NR3C2: variants seen among roughly 807,000 people sequenced by gnomAD.
NR3C2 encodes mineralocorticoid receptor.
A neutral mutation model predicts 86.4 loss-of-function variants in NR3C2; 15 were observed. The ratio of observed to expected loss-of-function variants is 0.17; its 90% confidence interval spans 0.12 to 0.27. The LOEUF is 0.27. Among genes scored for constraint, NR3C2 ranks in the 10% least tolerant of loss-of-function variants. The pLI, the probability that NR3C2 is intolerant of heterozygous loss-of-function variation, is 1.00. For synonymous variants in NR3C2, 458 were observed against 450.5 expected, an observed-to-expected ratio of 1.02 and a Z score of -0.21; for missense variants, 960 against 1,195.6, an observed-to-expected ratio of 0.80 and a Z score of 2.91.
chr4:148,424,116 AAC>A (rs1289656729), intron 2 of NR3C2, among the ~76,000 whole-genome samples: 1 of 152,232 alleles, frequency 6.6e-6, no homozygotes, highest in Non-Finnish European at 1.5e-5. Flanking sequence ...AAAGATGAAA[AAC>A]ACACAATAAA....
intron 2 of NR3C2, among the ~76,000 whole-genome samples, chr4:148,302,822 G>A (rs1290375616): frequency 6.8e-6 from 1 of 146,686 alleles, no homozygotes; most frequent in Admixed American, 6.8e-5. Context: ...CTCCAGCCTG[G>A]GCTACAAGAG....
At chr4:148,235,536 T>G (rs1738707289) in intron 3 of NR3C2, among the ~76,000 whole-genome samples, 1 of 152,172 alleles carries the variant, frequency 6.6e-6, no homozygotes, top group Non-Finnish European at 1.5e-5. Context: ...TTTCTTAAAG[T>G]TTAAAATATA....
chr4:148,142,085 GAAAGAGAAA>G (rs1288329839), intron 6 of NR3C2, among the ~76,000 whole-genome samples: 6 of 152,188 alleles, frequency 3.9e-5, no homozygotes, highest in African/African-American at 1.4e-4. Flanking sequence ...AAAGACCTAG[GAAAGAGAAA>G]GGTTAATTTG....
intron 2 of NR3C2, among the ~76,000 whole-genome samples, chr4:148,353,070 C>A (rs557323319): frequency 6.6e-6 from 1 of 152,000 alleles, no homozygotes; most frequent in Non-Finnish European, 1.5e-5. Context: ...TAGGGCAATG[C>A]GTCAGTTTTT....
At chr4:148,263,433 G>A (rs1740229209) in intron 2 of NR3C2, among the ~76,000 whole-genome samples, 1 of 152,006 alleles carries the variant, frequency 6.6e-6, no homozygotes, top group Non-Finnish European at 1.5e-5. Context: ...TCCCACTGTT[G>A]GTAACACTGG....
chr4:148,421,893 G>A (rs373477992), intron 2 of NR3C2, among the ~76,000 whole-genome samples: 6 of 152,032 alleles, frequency 3.9e-5, no homozygotes, highest in Non-Finnish European at 8.8e-5. Flanking sequence ...GAAATGCACA[G>A]TTCATGAAAT....
At chr4:148,288,945 C>T (rs1257744185) in intron 2 of NR3C2, among the ~76,000 whole-genome samples, 4 of 151,996 alleles carry the variant, frequency 2.6e-5, no homozygotes. Flanking sequence ...TTTAAGTATG[C>T]CCCATTCTTT....
chr4:148,416,775 T>C (rs1458842602), intron 2 of NR3C2, among the ~76,000 whole-genome samples: 1 of 152,118 alleles, frequency 6.6e-6, no homozygotes, highest in African/African-American at 2.4e-5. Flanking sequence ...TGTATTTGCT[T>C]TTTTTTTCTT....
chr4:148,089,353 C>T (rs571291688), intron 8 of NR3C2, among the ~76,000 whole-genome samples: 5 of 152,184 alleles, frequency 3.3e-5, no homozygotes, highest in African/African-American at 7.2e-5. Context: ...CATGCTATGC[C>T]GCAGTTTCCT....
At chr4:148,132,807 C>T (rs1015587861) in intron 6 of NR3C2, among the ~76,000 whole-genome samples, 3 of 152,178 alleles carry the variant, frequency 2.0e-5, no homozygotes, top group Admixed American at 2.0e-4. Flanking sequence ...AAGGTTAAAA[C>T]ACCCAACAGC....
intron 2 of NR3C2, among the ~76,000 whole-genome samples, chr4:148,318,082 G>A (rs1441469591): frequency 7.1e-6 from 1 of 141,330 alleles, no homozygotes; most frequent in African/African-American, 2.7e-5. Flanking sequence ...GTGTCCATGT[G>A]ATCTTACTGT....
intron 2 of NR3C2, among the ~76,000 whole-genome samples, chr4:148,296,044 C>CAAAAAAAAAAAAAAAAAAAA (rs529710200): frequency 2.7e-5 from 2 of 73,962 alleles, no homozygotes; most frequent in Non-Finnish European, 4.9e-5. Flanking sequence ...GAGCTGAGGC[C>CAAAAAAAAAAAAAAAAAAAA]AAAAAAAAAA....
chr4:148,314,141 T>TG (rs1381903988), intron 2 of NR3C2, among the ~76,000 whole-genome samples: 1 of 152,084 alleles, frequency 6.6e-6, no homozygotes, highest in Non-Finnish European at 1.5e-5. Context: ...AGGACTATAT[T>TG]GGGGGGAAAG....
chr4:148,367,968 C>T (rs1746233735), intron 2 of NR3C2, among the ~76,000 whole-genome samples: 1 of 152,058 alleles, frequency 6.6e-6, no homozygotes, highest in Admixed American at 6.6e-5. Context: ...CATCCGCCCT[C>T]CTGCTGTATT....
chr4:148,407,934 A>G (rs1748502341), intron 2 of NR3C2, among the ~76,000 whole-genome samples: 1 of 152,220 alleles, frequency 6.6e-6, no homozygotes, highest in Non-Finnish European at 1.5e-5. Flanking sequence ...ATAACCTGTT[A>G]GCATGCTCTC....
intron 2 of NR3C2, among the ~76,000 whole-genome samples, chr4:148,333,081 C>G (rs1744307643): frequency 6.6e-6 from 1 of 151,198 alleles, no homozygotes; most frequent in Non-Finnish European, 1.5e-5. Context: ...GCCTGGGCAA[C>G]AAGGAAAAAC....
At position 148,152,445 on chromosome 4, in the gene NR3C2, G is replaced by A. The variant is rs372973971; in HGVS notation, c.2510+24C>T. On this transcript the variant is annotated intron_variant, in intron 6 of 8. Transcript: ENST00000358102. ...CGCATAACTCTGCAGTTTATTTTAT[G>A]AAGGCTAATTAATAGGTACTTACTC... 1.9e-6 allele frequency: 3 copies of A among 1,609,386 alleles called. No individual in the cohort carries two copies. In the African/African-American group the frequency reaches 4.0e-5, roughly 22 times the overall value.
intron 2 of NR3C2, among the ~76,000 whole-genome samples, chr4:148,395,037 A>C (rs1295802596): frequency 6.6e-6 from 1 of 152,106 alleles, no homozygotes; most frequent in Non-Finnish European, 1.5e-5. Context: ...CTCATTCTCA[A>C]AGTTTTTAAA....
intron 2 of NR3C2, among the ~76,000 whole-genome samples, chr4:148,367,872 CAA>C (rs534219371): frequency 0.013 from 1,582 of 122,280 alleles, 25 homozygotes; most frequent in African/African-American, 0.044. Flanking sequence ...TTCTCCCTTT[CAA>C]AAAAAAAAAA....
Sources: allele counts gnomAD v4.1 joint callset (sites outside exome capture counted in the v4.1 genomes callset), GRCh38; gene constraint gnomAD v4.1.1; transcripts MANE v1.5; gene names NCBI Gene and HGNC (gene_info 2026-07-23, HGNC 2026-07-21).